DLGAP2: variants seen among roughly 807,000 people sequenced by gnomAD.
The protein encoded by DLGAP2 is DLG associated protein 2, also known as disks large-associated protein 2.
A neutral mutation model predicts 100.3 loss-of-function variants in DLGAP2; 26 were observed. The ratio of observed to expected loss-of-function variants is 0.26; its 90% confidence interval spans 0.19 to 0.36. DLGAP2 has a LOEUF of 0.36. DLGAP2 is among the 10% of genes least tolerant of loss of function. The pLI is 1.00. For synonymous variants in DLGAP2, 886 were observed against 630.1 expected, an observed-to-expected ratio of 1.41 and a Z score of -6.08; for missense variants, 1,858 against 1,453.2, an observed-to-expected ratio of 1.28 and a Z score of -4.53.
intron 3 of DLGAP2, among the ~76,000 whole-genome samples, chr8:1,292,392 G>C (rs916385841): frequency 1.3e-5 from 2 of 152,194 alleles, no homozygotes; most frequent in African/African-American, 4.8e-5. Flanking sequence ...CTGCCAGTCA[G>C]GGAGAGCTGC....
At chr8:945,075 C>A (rs1799286599) in intron 2 of DLGAP2, among the ~76,000 whole-genome samples, 2 of 152,184 alleles carry the variant, frequency 1.3e-5, no homozygotes, top group Admixed American at 6.5e-5. Context: ...CTGTTCTGTT[C>A]AGTTTGGGAA....
At chr8:1,416,261 C>A (rs535000603) in intron 3 of DLGAP2, among the ~76,000 whole-genome samples, 1 of 152,156 alleles carries the variant, frequency 6.6e-6, no homozygotes, top group African/African-American at 2.4e-5. Context: ...GCGACCAGCC[C>A]GGCCTGGCGG....
intron 2 of DLGAP2, among the ~76,000 whole-genome samples, chr8:1,037,531 C>G (rs953389258): frequency 6.6e-5 from 10 of 152,162 alleles, no homozygotes; most frequent in African/African-American, 1.4e-4. Context: ...GTGGACGTGT[C>G]AGCTGCATCA....
intron 2 of DLGAP2, among the ~76,000 whole-genome samples, chr8:1,103,878 C>A (rs1170765371): frequency 1.3e-5 from 2 of 152,198 alleles, no homozygotes; most frequent in Non-Finnish European, 2.9e-5. Flanking sequence ...TTCGAGGGGT[C>A]CCCGCACCCA....
At chr8:1,119,939 T>G (rs1280665988) in intron 2 of DLGAP2, among the ~76,000 whole-genome samples, 1 of 152,222 alleles carries the variant, frequency 6.6e-6, no homozygotes, top group East Asian at 1.9e-4. Context: ...GAAGACCCTT[T>G]CTGGAAGGCT....
intron 2 of DLGAP2, among the ~76,000 whole-genome samples, chr8:1,122,659 C>G (rs545214771): frequency 5.1e-4 from 78 of 152,252 alleles, no homozygotes; most frequent in African/African-American, 1.7e-3. Context: ...ACTGATACTT[C>G]TCTTTGAAGA....
chr8:925,175 C>G (rs1459407832), intron 2 of DLGAP2, among the ~76,000 whole-genome samples: 1 of 152,140 alleles, frequency 6.6e-6, no homozygotes, highest in Non-Finnish European at 1.5e-5. Flanking sequence ...TTTTGTCACT[C>G]AAGCTGGTGT....
In DLGAP2 at chr8:792,958, A is replaced by G. The variant is rs147794487; in HGVS notation, c.18+55133A>G. On this transcript the variant is annotated intron_variant, in intron 1 of 14. Transcript: ENST00000637795. Reference sequence around the variant, plus strand: ...TATCAGCACCTTTTACCTTAACAACAAGGAGTTGTCTTCCCCACCCTTCCC... The same window carrying G: ...TATCAGCACCTTTTACCTTAACAACGAGGAGTTGTCTTCCCCACCCTTCCC... Among the ~76,000 whole-genome samples, 1,184 of 152,284 alleles carry G rather than the reference A, an allele frequency of 7.8e-3. 11 individuals are homozygous for G. Among genetic ancestry groups the G allele is most frequent in the African/African-American group, 0.027 (1,120 of 41,570 alleles).
rs79475285 is a variant in DLGAP2, at chr8:1,305,837, C to T, written c.106+46954C>T. Among the ~76,000 whole-genome samples the T allele has an allele frequency of 4.3e-3, 658 of 152,294 alleles. 24 individuals are homozygous for T. In the East Asian group the frequency reaches 0.079, roughly 18 times the overall value. On this transcript the variant is annotated intron_variant, in intron 3 of 14. Coordinates refer to ENST00000637795, the MANE Select transcript of DLGAP2 (RefSeq NM_001346810.2). ...CAACAGCAGATGACTGAAAGTTCTT[C>T]CTGTGAGGTCAGGAACAAGGCAAGT...
intron 2 of DLGAP2, among the ~76,000 whole-genome samples, chr8:915,899 G>C (rs1215765764): frequency 6.6e-6 from 1 of 151,124 alleles, no homozygotes; most frequent in African/African-American, 2.4e-5. Flanking sequence ...TTCCGTGTGT[G>C]TTAACCATGA....
intron 2 of DLGAP2, among the ~76,000 whole-genome samples, chr8:1,098,776 C>G: frequency 7.8e-6 from 1 of 128,180 alleles, no homozygotes; most frequent in East Asian, 2.5e-4. Flanking sequence ...GCCACCCACG[C>G]CAGGCTCCCG....
At chr8:1,448,925 C>T (rs753326297) in intron 3 of DLGAP2, among the ~76,000 whole-genome samples, 8 of 152,176 alleles carry the variant, frequency 5.3e-5, no homozygotes, top group Non-Finnish European at 1.0e-4. Context: ...AACATGCAGC[C>T]GCTGCTGGGC....
At chr8:1,197,391 G>A (rs1044973447) in intron 2 of DLGAP2, among the ~76,000 whole-genome samples, 9 of 152,176 alleles carry the variant, frequency 5.9e-5, no homozygotes, top group South Asian at 2.1e-4. Context: ...TTTTCTTTCC[G>A]GGGAACCCAA....
intron 6 of DLGAP2, among the ~76,000 whole-genome samples, chr8:1,568,798 C>G (rs866320332): frequency 6.9e-6 from 1 of 144,122 alleles, no homozygotes; most frequent in African/African-American, 2.6e-5. Context: ...TGCCCGTGGC[C>G]CCCATGCCAC....
chr8:829,783 G>A (rs1033660106), intron 1 of DLGAP2, among the ~76,000 whole-genome samples: 5 of 152,216 alleles, frequency 3.3e-5, no homozygotes, highest in African/African-American at 7.2e-5. Context: ...TTATATTAAC[G>A]AAAATTGATA....
chr8:1,383,609 T>C (rs889153380), intron 3 of DLGAP2, among the ~76,000 whole-genome samples: 1 of 152,150 alleles, frequency 6.6e-6, no homozygotes, highest in Admixed American at 6.5e-5. Context: ...GGCTGCTTGA[T>C]TAACGACCAG....
chr8:1,175,896 T>C (rs1797242213), intron 2 of DLGAP2, among the ~76,000 whole-genome samples: 1 of 152,208 alleles, frequency 6.6e-6, no homozygotes, highest in African/African-American at 2.4e-5. Flanking sequence ...CACATAGCCA[T>C]GGGGAGGTCG....
intron 3 of DLGAP2, among the ~76,000 whole-genome samples, chr8:1,484,215 T>C (rs895362205): frequency 1.3e-5 from 2 of 152,248 alleles, no homozygotes; most frequent in Non-Finnish European, 2.9e-5. Flanking sequence ...GAATGAACAG[T>C]GAGCTGGCTC....
intron 3 of DLGAP2, among the ~76,000 whole-genome samples, chr8:1,260,508 C>G (rs1282026469): frequency 6.6e-6 from 1 of 152,204 alleles, no homozygotes; most frequent in Non-Finnish European, 1.5e-5. Context: ...GAGTTTTTTC[C>G]CAGTAAATCT....
Sources: allele counts gnomAD v4.1 joint callset (sites outside exome capture counted in the v4.1 genomes callset), GRCh38; gene constraint gnomAD v4.1.1; transcripts MANE v1.5; gene names NCBI Gene and HGNC (gene_info 2026-07-23, HGNC 2026-07-21).